Variants in ATPAF1 observed in about 807,000 individuals in gnomAD.
The protein encoded by ATPAF1 is ATP synthase mitochondrial F1 complex assembly factor 1.
ATPAF1 carries 26 observed loss-of-function variants against 43.9 expected under a neutral mutation model. The observed-to-expected ratio is 0.59, with a 90% CI of 0.43 to 0.82. The LOEUF (loss-of-function observed/expected upper bound fraction) is 0.82, where lower values mean the gene tolerates loss of function less well. Ranked by LOEUF, ATPAF1 falls within the 40% of genes least tolerant of loss-of-function variation. ATPAF1 has a pLI of 0.00. For missense variants in ATPAF1, 366 were observed against 435.0 expected, an observed-to-expected ratio of 0.84 and a Z score of 1.41; for synonymous variants, 157 against 168.0, an observed-to-expected ratio of 0.93 and a Z score of 0.50.
At position 46,668,062 on chromosome 1, in the gene ATPAF1, CA is replaced by C; in HGVS notation, c.260del (p.Leu87ArgfsTer48). ...CAGCCAACCCAGGCCCGCACCTGCG[CA>C]GCAGCTGGATCTTGTCGCGGTAGCG... On this transcript the variant is annotated frameshift_variant, in exon 1 of 9. Coordinates refer to ENST00000574428, the Ensembl canonical transcript of ATPAF1. LOFTEE classifies it high-confidence loss of function. This position sits in a 1 kb window ranked among gnomAD's most constrained non-coding sequence, Gnocchi z 4.4. The C allele has an allele frequency of 7.0e-7, 1 of 1,423,944 alleles. No individual in the cohort carries two copies. Among genetic ancestry groups the C allele is most frequent in the Non-Finnish European group, 9.2e-7 (1 of 1,085,076 alleles). The allele number at this position is 1,423,944 out of a possible 1,614,324, so 88.2% of individuals were successfully genotyped here. A position where few individuals can be genotyped will look rare whatever the true frequency, so the allele number is the denominator to read the frequency against.
intron 4 of ATPAF1, among the ~76,000 whole-genome samples, chr1:46,655,790 C>T (rs568203251): frequency 6.6e-6 from 1 of 152,300 alleles, no homozygotes; most frequent in East Asian, 1.9e-4. Flanking sequence ...TTCTTCCATG[C>T]AGTTTCCCTT....
At position 46,650,051 on chromosome 1, in the gene ATPAF1, C is replaced by T. The variant is rs75342675; in HGVS notation, c.588+2530G>A. Among the ~76,000 whole-genome samples the T allele has an allele frequency of 2.8e-3, 423 of 152,146 alleles. 7 individuals carry two copies. The East Asian group carries it at 0.061, about 22-fold the overall frequency. ...TGTTTCCAAAAATGTTTTGAAAACC[C>T]GAGAAATCATTACTGATACCAAGTT... On this transcript the variant is annotated intron_variant, in intron 6 of 8. Transcript: ENST00000574428.
intron 6 of ATPAF1, among the ~76,000 whole-genome samples, chr1:46,647,346 G>A (rs1676062811): frequency 6.6e-6 from 1 of 152,136 alleles, no homozygotes; most frequent in Non-Finnish European, 1.5e-5. Context: ...CCCACAAATT[G>A]GATTTGTCTG....
chr1:46,657,047 T>G (rs992971420), intron 4 of ATPAF1, among the ~76,000 whole-genome samples: 1 of 152,190 alleles, frequency 6.6e-6, no homozygotes. Context: ...CAGAGTCAAA[T>G]AGACATGGGT....
At chr1:46,663,315 G>A (rs1676429381) in intron 2 of ATPAF1, among the ~76,000 whole-genome samples, 1 of 152,196 alleles carries the variant, frequency 6.6e-6, no homozygotes, top group Non-Finnish European at 1.5e-5. Flanking sequence ...GGATGGCTGG[G>A]TCAAATGGTA....
chr1:46,660,566 AT>A, intron 2 of ATPAF1, among the ~76,000 whole-genome samples: 1 of 152,338 alleles, frequency 6.6e-6, no homozygotes, highest in Non-Finnish European at 1.5e-5. Flanking sequence ...AAATAGCACA[AT>A]ATTTTCCTGT....
At position 46,661,296 on chromosome 1, in the gene ATPAF1, C is replaced by T. The variant is rs528144948; in HGVS notation, c.376-2559G>A. On this transcript the variant is annotated intron_variant, in intron 2 of 8. Coordinates refer to ENST00000574428, the Ensembl canonical transcript of ATPAF1. ...TTCACCGTGTTGCCCAGGCTGGTCTCGAACTCCTGACCTCAAGTGATCTGC... is the reference window on the plus strand; with the variant it reads ...TTCACCGTGTTGCCCAGGCTGGTCTTGAACTCCTGACCTCAAGTGATCTGC... 1.6e-3 allele frequency among the ~76,000 whole-genome samples: 251 copies of T among 152,180 alleles called. 1 individual carries two copies. Among genetic ancestry groups the T allele is most frequent in the Non-Finnish European group, 2.9e-3 (198 of 67,992 alleles).
intron 2 of ATPAF1, chr1:46,664,028 G>T (rs925149084): frequency 4.8e-5 from 27 of 567,812 alleles, no homozygotes; most frequent in African/African-American, 4.0e-4. Context: ...AGAATGGACT[G>T]CATGTTGTAA....
chr1:46,654,270 G>A (rs143334970), intron 4 of ATPAF1, among the ~76,000 whole-genome samples: 3 of 152,084 alleles, frequency 2.0e-5, no homozygotes, highest in African/African-American at 4.8e-5. Flanking sequence ...ACCTGGATGC[G>A]AATCTCAGCT....
At chr1:46,657,493 T>G (rs749179817) in intron 4 of ATPAF1, among the ~76,000 whole-genome samples, 32 of 152,154 alleles carry the variant, frequency 2.1e-4, no homozygotes, top group Non-Finnish European at 3.2e-4. Flanking sequence ...TAATACATTT[T>G]TTTCCCATTT....
At chr1:46,662,723 G>T (rs1192634782) in intron 2 of ATPAF1, among the ~76,000 whole-genome samples, 1 of 152,126 alleles carries the variant, frequency 6.6e-6, no homozygotes, top group Non-Finnish European at 1.5e-5. Context: ...CACTGCGCCT[G>T]GCAACCCATT....
exon 8 of ATPAF1, chr1:46,643,293 C>T: frequency 6.2e-7 from 1 of 1,612,002 alleles, no homozygotes; most frequent in Non-Finnish European, 8.5e-7. Context: ...CTGCAGCTTC[C>T]CCTCGGGTCT....
At chr1:46,648,284 G>T (rs1011965034) in intron 6 of ATPAF1, among the ~76,000 whole-genome samples, 3 of 152,110 alleles carry the variant, frequency 2.0e-5, no homozygotes, top group Non-Finnish European at 4.4e-5. Flanking sequence ...GCTAATTTTT[G>T]TATTTTTAGT....
chr1:46,649,368 C>A (rs1014358314), intron 6 of ATPAF1, among the ~76,000 whole-genome samples: 1 of 152,114 alleles, frequency 6.6e-6, no homozygotes, highest in African/African-American at 2.4e-5. Flanking sequence ...TTTCAGGACT[C>A]TACTCTGTTC....
upstream of ATPAF1, chr1:46,668,395 G>A (rs1409583710): frequency 2.5e-6 from 3 of 1,188,852 alleles, no homozygotes; most frequent in East Asian, 3.8e-5. This position sits in a 1 kb window ranked among gnomAD's most constrained non-coding sequence, Gnocchi z 4.4. Context: ...GCTCCATCCC[G>A]CTCCGAGTGC....
upstream of ATPAF1, chr1:46,668,409 G>C: frequency 1.7e-6 from 2 of 1,178,054 alleles, no homozygotes; most frequent in Non-Finnish European, 2.1e-6. The surrounding 1 kb of genome is among the most constrained non-coding windows in gnomAD (Gnocchi z 4.4). Context: ...CGAGTGCGCC[G>C]CGCCCGCGCT....
chr1:46,659,210 TAA>T (rs1676337372), intron 2 of ATPAF1, among the ~76,000 whole-genome samples: 1 of 151,712 alleles, frequency 6.6e-6, no homozygotes, highest in African/African-American at 2.4e-5. Flanking sequence ...AATAAATAAA[TAA>T]AAAGAAATAA....
chr1:46,650,872 C>T (rs1418901792), intron 6 of ATPAF1, among the ~76,000 whole-genome samples: 2 of 150,720 alleles, frequency 1.3e-5, no homozygotes, highest in Non-Finnish European at 2.9e-5. Context: ...ACTAGAGGAA[C>T]GAATAGCCAA....
exon 9 of ATPAF1, chr1:46,635,594 T>C (rs1478336174): frequency 1.7e-6 from 1 of 584,616 alleles, no homozygotes; most frequent in African/African-American, 1.9e-5. Flanking sequence ...AATGTTCAGG[T>C]ACCTTTGTTC....
Sources: allele counts gnomAD v4.1 joint callset (sites outside exome capture counted in the v4.1 genomes callset), GRCh38; gene constraint gnomAD v4.1.1; non-coding constraint Gnocchi (gnomAD v3.1); transcripts MANE v1.5; gene names NCBI Gene and HGNC (gene_info 2026-07-23, HGNC 2026-07-21).